The following ZNF385B variants were observed in gnomAD, a reference collection of about 807,000 sequenced individuals.
ZNF385B encodes the protein zinc finger protein 533.
In ZNF385B, 23 loss-of-function variants were observed where a neutral mutation model predicts 39.2. The ratio of observed to expected loss-of-function variants is 0.59; its 90% CI spans 0.42 to 0.83. The LOEUF (loss-of-function observed/expected upper bound fraction) is 0.83. Among genes scored for constraint, ZNF385B ranks in the 40% least tolerant of loss-of-function variants. The pLI is 0.00. For synonymous variants in ZNF385B, 205 were observed against 222.6 expected, an observed-to-expected ratio of 0.92 and a Z score of 0.70; for missense variants, 552 against 598.9, an observed-to-expected ratio of 0.92 and a Z score of 0.82.
chr2:179,765,841 G>C (rs1218448479), intron 3 of ZNF385B, among the ~76,000 whole-genome samples: 1 of 152,060 alleles, frequency 6.6e-6, no homozygotes, highest in Non-Finnish European at 1.5e-5. Flanking sequence ...TTACCCCTTG[G>C]AACTGGATGG....
At chr2:179,606,884 G>A (rs188016201) in intron 3 of ZNF385B, among the ~76,000 whole-genome samples, 82 of 152,246 alleles carry the variant, frequency 5.4e-4, no homozygotes, top group Middle Eastern at 3.4e-3. Context: ...GTCTGGATGA[G>A]AATTTCTCAT....
At chr2:179,505,834 AC>A (rs2057204846) in intron 5 of ZNF385B, among the ~76,000 whole-genome samples, 3 of 152,144 alleles carry the variant, frequency 2.0e-5, no homozygotes, top group South Asian at 4.1e-4. Flanking sequence ...CAATAAAAAA[AC>A]GGACCAAAAA....
intron 1 of ZNF385B, among the ~76,000 whole-genome samples, chr2:179,850,625 T>C (rs931386879): frequency 6.6e-6 from 1 of 152,172 alleles, no homozygotes; most frequent in Non-Finnish European, 1.5e-5. Flanking sequence ...GTCTGTCCTC[T>C]TGCTAAAGGG....
At chr2:179,701,672 G>A (rs1699212394) in intron 3 of ZNF385B, among the ~76,000 whole-genome samples, 1 of 152,114 alleles carries the variant, frequency 6.6e-6, no homozygotes, top group South Asian at 2.1e-4. Context: ...GAAGTGAACA[G>A]CATGCATATT....
chr2:179,642,737 T>A (rs1372372734), intron 3 of ZNF385B, among the ~76,000 whole-genome samples: 2 of 152,212 alleles, frequency 1.3e-5, no homozygotes, highest in African/African-American at 4.8e-5. Context: ...AACCTACTAA[T>A]AGTTTTTGTC....
chr2:179,676,317 C>A (rs1263749206), intron 3 of ZNF385B, among the ~76,000 whole-genome samples: 1 of 145,278 alleles, frequency 6.9e-6, no homozygotes, highest in Non-Finnish European at 1.5e-5. Flanking sequence ...CTCGATCTCC[C>A]GACGTCATGA....
chr2:179,448,489 T>C (rs2105560158), intron 6 of ZNF385B, among the ~76,000 whole-genome samples: 1 of 152,232 alleles, frequency 6.6e-6, no homozygotes, highest in Admixed American at 6.5e-5. Flanking sequence ...GTTTCAGCCA[T>C]TGACAGCATT....
At chr2:179,638,063 ATTC>A (rs1415515981) in intron 3 of ZNF385B, among the ~76,000 whole-genome samples, 5 of 152,192 alleles carry the variant, frequency 3.3e-5, no homozygotes, top group Non-Finnish European at 5.9e-5. Flanking sequence ...GTTGGAAAAA[ATTC>A]TTCAATAGAC....
intron 3 of ZNF385B, among the ~76,000 whole-genome samples, chr2:179,657,622 T>G (rs2106265916): frequency 6.6e-6 from 1 of 152,320 alleles, no homozygotes. Context: ...ACTGGAACAT[T>G]GACGTAAATA....
Position 179,702,888 on chromosome 2 carries a change from C to T in ZNF385B, c.298+66615G>A, listed in dbSNP as rs111705065. 7.1e-4 allele frequency among the ~76,000 whole-genome samples: 108 copies of T among 152,194 alleles called. 1 individual carries two copies. The highest frequency in any genetic ancestry group is 2.4e-3 in the African/African-American group (101 of 41,524). Reference sequence around the variant, plus strand: ...TGATTCTGCTCTTTCTCCCGCATCCCGTGTCAGTATCATAAACAAACATCT... The same window carrying T: ...TGATTCTGCTCTTTCTCCCGCATCCTGTGTCAGTATCATAAACAAACATCT... On this transcript the variant is annotated intron_variant, in intron 3 of 9. Transcript: ENST00000410066.
chr2:179,647,456 C>T (rs773056601), intron 3 of ZNF385B, among the ~76,000 whole-genome samples: 12 of 152,204 alleles, frequency 7.9e-5, no homozygotes, highest in Non-Finnish European at 1.0e-4. Context: ...ACTGCTGAGT[C>T]CTGGTCCTGA....
At chr2:179,690,458 C>T (rs578055923) in intron 3 of ZNF385B, among the ~76,000 whole-genome samples, 1 of 152,244 alleles carries the variant, frequency 6.6e-6, no homozygotes, top group Non-Finnish European at 1.5e-5. Flanking sequence ...GGTTTTATAT[C>T]CCATTAATAC....
At chr2:179,688,520 A>C (rs2367803) in intron 3 of ZNF385B, among the ~76,000 whole-genome samples, 4 of 111,436 alleles carry the variant, frequency 3.6e-5, no homozygotes, top group Admixed American at 8.9e-5. Flanking sequence ...ACAACAACAA[A>C]AACAGAAAGA....
At chr2:179,568,678 G>A (rs1684873179) in intron 3 of ZNF385B, among the ~76,000 whole-genome samples, 1 of 152,182 alleles carries the variant, frequency 6.6e-6, no homozygotes, top group Non-Finnish European at 1.5e-5. Context: ...TGTTGGGTGT[G>A]TGTGAGAAAT....
chr2:179,676,931 G>C (rs916472768), intron 3 of ZNF385B, among the ~76,000 whole-genome samples: 3 of 152,152 alleles, frequency 2.0e-5, no homozygotes, highest in Non-Finnish European at 4.4e-5. Flanking sequence ...CTTAATGTCA[G>C]AAATTAACTT....
chr2:179,656,081 T>G (rs1693728945), intron 3 of ZNF385B, among the ~76,000 whole-genome samples: 1 of 152,192 alleles, frequency 6.6e-6, no homozygotes, highest in Admixed American at 6.5e-5. Context: ...TTTTTACAAA[T>G]AGATTAACAT....
intron 5 of ZNF385B, among the ~76,000 whole-genome samples, chr2:179,512,467 C>G (rs1333371143): frequency 1.3e-5 from 2 of 152,170 alleles, no homozygotes; most frequent in Non-Finnish European, 2.9e-5. Context: ...TCAACTTAGC[C>G]AAAATGAGAT....
At chr2:179,677,909 A>G (rs1296734074) in intron 3 of ZNF385B, among the ~76,000 whole-genome samples, 1 of 152,182 alleles carries the variant, frequency 6.6e-6, no homozygotes, top group Non-Finnish European at 1.5e-5. Flanking sequence ...AGTTCTCAGT[A>G]CTTCCAATTT....
intron 3 of ZNF385B, among the ~76,000 whole-genome samples, chr2:179,551,845 A>G (rs2060594612): frequency 6.6e-6 from 1 of 152,082 alleles, no homozygotes; most frequent in Non-Finnish European, 1.5e-5. Flanking sequence ...CACCAGACAG[A>G]GTCCAGGTCT....
Sources: allele counts gnomAD v4.1 joint callset (sites outside exome capture counted in the v4.1 genomes callset), GRCh38; gene constraint gnomAD v4.1.1; transcripts MANE v1.5; gene names NCBI Gene and HGNC (gene_info 2026-07-23, HGNC 2026-07-21).